The following GATAD2B variants were observed in gnomAD, a reference collection of about 807,000 sequenced individuals.
GATAD2B encodes transcriptional repressor p66-beta.
GATAD2B carries 8 observed loss-of-function variants against 64.3 expected under a neutral mutation model. The ratio of observed to expected loss-of-function variants is 0.12; its 90% CI spans 0.07 to 0.22. The LOEUF (loss-of-function observed/expected upper bound fraction) is 0.22. Among genes scored for constraint, GATAD2B ranks in the 10% least tolerant of loss-of-function variants. GATAD2B has a pLI of 1.00. For missense variants in GATAD2B, 453 were observed against 752.0 expected, an observed-to-expected ratio of 0.60 and a Z score of 4.65; for synonymous variants, 281 against 271.3, an observed-to-expected ratio of 1.04 and a Z score of -0.35.
intron 1 of GATAD2B, among the ~76,000 whole-genome samples, chr1:153,830,242 G>T (rs1437513278): frequency 1.3e-5 from 2 of 152,106 alleles, no homozygotes; most frequent in Admixed American, 6.5e-5. Context: ...TGCCTCCCAG[G>T]TTCAAAGCAA....
intron 1 of GATAD2B, 63 bp from the exon 2 acceptor site, chr1:153,828,411 AGGT>A (rs1557789195): frequency 8.2e-7 from 1 of 1,218,016 alleles, no homozygotes; most frequent in Non-Finnish European, 1.2e-6. Flanking sequence ...ATTTTTAAAA[AGGT>A]GGAATGGTGA....
At chr1:153,857,856 T>C (rs551243657) in intron 1 of GATAD2B, among the ~76,000 whole-genome samples, 2 of 152,340 alleles carry the variant, frequency 1.3e-5, no homozygotes, top group East Asian at 3.9e-4. Context: ...CAAGACCTTC[T>C]TTCTGAAGGC....
intron 1 of GATAD2B, among the ~76,000 whole-genome samples, chr1:153,894,512 G>T (rs571214154): frequency 6.6e-6 from 1 of 152,004 alleles, no homozygotes; most frequent in East Asian, 1.9e-4. Flanking sequence ...CTCTATCTGG[G>T]TGGTCACCTT....
intron 8 of GATAD2B, chr1:153,812,382 T>C: frequency 2.4e-6 from 1 of 412,352 alleles, no homozygotes. Context: ...TCTAATGTTG[T>C]TGGCTAGTTG....
intron 1 of GATAD2B, among the ~76,000 whole-genome samples, chr1:153,885,964 A>C (rs1038011047): frequency 6.6e-6 from 1 of 152,178 alleles, no homozygotes; most frequent in South Asian, 2.1e-4. Context: ...AATCACAAAG[A>C]ATAGCATAAG....
intron 1 of GATAD2B, among the ~76,000 whole-genome samples, chr1:153,879,556 G>A (rs577493153): frequency 4.6e-4 from 70 of 152,006 alleles, no homozygotes; most frequent in Non-Finnish European, 7.6e-4. Context: ...GAGGTCAAGA[G>A]ATCGAGACCA....
chr1:153,815,995 G>C (rs150431839), intron 7 of GATAD2B, among the ~76,000 whole-genome samples: 1 of 151,834 alleles, frequency 6.6e-6, no homozygotes, highest in African/African-American at 2.4e-5. Context: ...AGAGGTTGCA[G>C]TGAACTGAGA....
chr1:153,908,410 T>C (rs1678011452), intron 1 of GATAD2B, among the ~76,000 whole-genome samples: 1 of 151,874 alleles, frequency 6.6e-6, no homozygotes, highest in Non-Finnish European at 1.5e-5. Flanking sequence ...AGAAGTTAAG[T>C]AAAAGATCTT....
At chr1:153,885,519 C>T (rs964604428) in intron 1 of GATAD2B, among the ~76,000 whole-genome samples, 6 of 151,790 alleles carry the variant, frequency 4.0e-5, no homozygotes, top group Non-Finnish European at 8.8e-5. Flanking sequence ...GTTAGGAGTT[C>T]GAGACCAGCC....
Position 153,816,624 on chromosome 1 carries a change from G to A in GATAD2B, c.901-36C>T. 1 of 1,431,980 alleles carries A rather than the reference G, an allele frequency of 7.0e-7. No homozygotes were observed. The highest frequency in any genetic ancestry group is 9.8e-7 in the Non-Finnish European group (1 of 1,023,814). 88.7% of individuals were successfully genotyped at this position (1,431,980 alleles called of 1,614,324 possible). ...TTGAGAATGCGGTCAATCATGGTATGCAGGAGAAAGGGCCAATTCTTACGT... is the reference window on the plus strand; with the variant it reads ...TTGAGAATGCGGTCAATCATGGTATACAGGAGAAAGGGCCAATTCTTACGT... On this transcript the variant is annotated intron_variant, in intron 6 of 10. Transcript: ENST00000368655. This position sits in a 1 kb window ranked among gnomAD's most constrained non-coding sequence, Gnocchi z 4.9.
At chr1:153,859,981 G>C (rs966880493) in intron 1 of GATAD2B, among the ~76,000 whole-genome samples, 1 of 129,226 alleles carries the variant, frequency 7.7e-6, no homozygotes, top group African/African-American at 3.0e-5. Flanking sequence ...GCACTGGCGC[G>C]ATCTCAGCTC....
intron 1 of GATAD2B, among the ~76,000 whole-genome samples, chr1:153,839,233 A>T (rs1427213907): frequency 6.6e-6 from 1 of 152,110 alleles, no homozygotes; most frequent in African/African-American, 2.4e-5. Context: ...AAGAAACAAG[A>T]ATGCCAAATG....
At chr1:153,922,163 TAAAG>T (rs1384135121) in intron 1 of GATAD2B, 3 of 151,704 alleles carry the variant, frequency 2.0e-5, no homozygotes, top group Non-Finnish European at 4.4e-5. Context: ...TTTCCCTAAA[TAAAG>T]ATAATTATCT....
chr1:153,873,838 A>G (rs151270371), intron 1 of GATAD2B, among the ~76,000 whole-genome samples: 3,528 of 152,336 alleles, frequency 0.023, 135 homozygotes, highest in African/African-American at 0.078. Flanking sequence ...AGTCCTAGCT[A>G]CTTGAGAGGC....
At chr1:153,830,938 AT>A in intron 1 of GATAD2B, among the ~76,000 whole-genome samples, 1 of 152,112 alleles carries the variant, frequency 6.6e-6, no homozygotes, top group African/African-American at 2.4e-5. Flanking sequence ...CACTGGGCTA[AT>A]TTTTTAGTTT....
At chr1:153,842,721 C>T (rs1406176120) in intron 1 of GATAD2B, among the ~76,000 whole-genome samples, 1 of 149,466 alleles carries the variant, frequency 6.7e-6, no homozygotes. Context: ...GGCACAATCT[C>T]GGCTCACTGC....
intron 1 of GATAD2B, among the ~76,000 whole-genome samples, chr1:153,882,554 T>C (rs1355614962): frequency 6.6e-6 from 1 of 152,244 alleles, no homozygotes; most frequent in Non-Finnish European, 1.5e-5. Context: ...ACAGTACCCA[T>C]GCATTCTTTA....
chr1:153,834,284 A>G (rs1675189942), intron 1 of GATAD2B, among the ~76,000 whole-genome samples: 1 of 151,810 alleles, frequency 6.6e-6, no homozygotes, highest in African/African-American at 2.4e-5. Flanking sequence ...GATTACAGGC[A>G]TGACCACCAC....
intron 2 of GATAD2B, among the ~76,000 whole-genome samples, chr1:153,824,703 C>T (rs1471386521): frequency 2.0e-5 from 3 of 149,262 alleles, no homozygotes; most frequent in South Asian, 4.2e-4. Flanking sequence ...AATACAATTC[C>T]AATACCATTA....
Sources: gnomAD v4.1 joint callset for allele counts (sites outside exome capture counted in the v4.1 genomes callset) on GRCh38, gnomAD v4.1.1 for gene constraint, Gnocchi (gnomAD v3.1) non-coding constraint, MANE v1.5 for transcripts, NCBI Gene and HGNC (gene_info 2026-07-23, HGNC 2026-07-21) for gene names.